Variants in TM2D3 observed in about 807,000 individuals in gnomAD.
TM2D3 encodes the protein TM2 domain-containing protein 3.
TM2D3 carries 33 observed loss-of-function variants against 27.3 expected under a neutral mutation model. That is an observed-to-expected ratio of 1.21 (90% CI 0.92 to 1.61). The LOEUF is 1.61. Among genes scored for constraint, TM2D3 ranks in the 40% most tolerant of loss-of-function variants. The probability of loss-of-function intolerance (pLI) is 0.00; values close to 1 mark genes in which losing one functional copy is unlikely to be tolerated. For synonymous variants in TM2D3, 138 were observed against 122.2 expected (o/e 1.13, Z -0.85); for missense variants, 364 against 320.8 (o/e 1.13, Z -1.03).
Position 101,635,589 on chromosome 15 carries a change from T to C in TM2D3, c.501-1861A>G, listed in dbSNP as rs560052493. 80 of 152,228 alleles carry C rather than the reference T, an allele frequency of 5.3e-4. 1 individual carries two copies. The highest frequency in any genetic ancestry group is 1.9e-3 in the African/African-American group (78 of 41,540). The allele number at this position is 152,228 out of a possible 1,614,324, so 9.4% of individuals were successfully genotyped here. On this transcript the variant is annotated intron_variant, in intron 4 of 4. Transcript: ENST00000428002. ...TTCAAAGTAAGCATCTATTCCAGTG[T>C]GGACAAATCAACGTTCCCTGCTTGA...
chr15:101,650,677 A>C (rs1277793786), intron 2 of TM2D3: 1 of 152,294 alleles, frequency 6.6e-6, no homozygotes, highest in African/African-American at 2.4e-5. Context: ...TCACACTGGT[A>C]CTTCGATAAG....
chr15:101,651,466 A>G, intron 2 of TM2D3: 2 of 501,750 alleles, frequency 4.0e-6, no homozygotes, highest in Non-Finnish European at 7.1e-6. Flanking sequence ...AAGGTGACAA[A>G]TGAGCGTGGG....
intron 1 of TM2D3, 104 bp from the exon 2 acceptor site, chr15:101,651,877 C>T (rs558961550): frequency 2.6e-6 from 3 of 1,158,582 alleles, no homozygotes; most frequent in African/African-American, 1.5e-5. Context: ...CAATAAGCTG[C>T]TCATGAAAAC....
At chr15:101,652,163 G>T in intron 1 of TM2D3, 108 bp downstream of exon 1, 2 of 1,071,144 alleles carry the variant, frequency 1.9e-6, no homozygotes, top group South Asian at 1.4e-5. Flanking sequence ...CCCGGCACTC[G>T]GCCTCCTCCC....
chr15:101,637,872 T>C (rs957566186), downstream of TM2D3, among the ~76,000 whole-genome samples: 1 of 152,228 alleles, frequency 6.6e-6, no homozygotes, highest in Admixed American at 6.5e-5. Flanking sequence ...CTTCATAATA[T>C]GTGAACAAAT....
chr15:101,644,004 G>A (rs190153827), intron 5 of TM2D3, among the ~76,000 whole-genome samples: 21 of 152,032 alleles, frequency 1.4e-4, no homozygotes, highest in Admixed American at 1.3e-3. Flanking sequence ...CATGAACCAC[G>A]ATGGCAGGCT....
At chr15:101,645,033 C>G in intron 5 of TM2D3, 54 bp downstream of exon 5, 1 of 1,491,880 alleles carries the variant, frequency 6.7e-7, no homozygotes, top group East Asian at 2.3e-5. Flanking sequence ...GAAGATTCCA[C>G]CAATCCCAAA....
At chr15:101,652,242 C>T in intron 1 of TM2D3, 29 bp downstream of exon 1, 3 of 1,584,078 alleles carry the variant, frequency 1.9e-6, no homozygotes, top group Non-Finnish European at 2.6e-6. Context: ...CTCAGCCCCA[C>T]CCGGCGCTGA....
chr15:101,643,464 T>A (rs999022049), intron 5 of TM2D3, among the ~76,000 whole-genome samples: 1 of 151,502 alleles, frequency 6.6e-6, no homozygotes, highest in Non-Finnish European at 1.5e-5. Flanking sequence ...TAGCCAGGCG[T>A]GGTGGCGGGC....
chr15:101,651,640 A>C (rs1254939958), intron 2 of TM2D3, 56 bp downstream of exon 2: 52 of 1,509,832 alleles, frequency 3.4e-5, no homozygotes, highest in Non-Finnish European at 4.7e-5. Flanking sequence ...ATAAAAACAA[A>C]GAGAAACTAC....
chr15:101,640,534 C>T (rs1896643062), downstream of TM2D3, among the ~76,000 whole-genome samples: 1 of 152,164 alleles, frequency 6.6e-6, no homozygotes, highest in Admixed American at 6.5e-5. Context: ...GGTCAGACTC[C>T]AACATGGCAT....
chr15:101,633,635 T>C, exon 5 of TM2D3: 1 of 1,502,490 alleles, frequency 6.7e-7, no homozygotes, highest in Non-Finnish European at 8.9e-7. Flanking sequence ...CTCATGCTCT[T>C]CTTCTCACGC....
At chr15:101,649,100 T>G (rs1012234857) in intron 3 of TM2D3, among the ~76,000 whole-genome samples, 1 of 152,188 alleles carries the variant, frequency 6.6e-6, no homozygotes, top group Non-Finnish European at 1.5e-5. Context: ...ATGAGAAAAC[T>G]TATATGTTTT....
intron 3 of TM2D3, 70 bp downstream of exon 3, chr15:101,649,934 A>G: frequency 2.1e-6 from 3 of 1,412,822 alleles, no homozygotes; most frequent in Middle Eastern, 3.6e-4. Context: ...CCAATAATCA[A>G]GTCTGAATTG....
At chr15:101,640,793 A>T (rs896117356), downstream of TM2D3, among the ~76,000 whole-genome samples, 4 of 152,210 alleles carry the variant, frequency 2.6e-5, no homozygotes, top group Non-Finnish European at 4.4e-5. Context: ...TCAGGTTCCA[A>T]GGGCTATGCC....
At chr15:101,643,619 A>C (rs1453667495) in intron 5 of TM2D3, among the ~76,000 whole-genome samples, 6 of 124,534 alleles carry the variant, frequency 4.8e-5, no homozygotes, top group Admixed American at 1.6e-4. Context: ...AAAAAAAAAA[A>C]AAAGCAAAAA....
Position 101,650,125 on chromosome 15 carries a change from G to C in TM2D3, c.206C>G (p.Pro69Arg), listed in dbSNP as rs140152371. 2 of 1,613,816 alleles carry C rather than the reference G, an allele frequency of 1.2e-6. No homozygotes were observed. The highest frequency in any genetic ancestry group is 2.7e-5 in the African/African-American group (2 of 74,898). Residue 69 changes from proline (P) to arginine (R), a missense_variant, in exon 3 of 6, where the codon CCG becomes CGG. Pro to Arg is a moderately radical substitution (Grantham distance 103, BLOSUM62 -2). Coordinates refer to ENST00000333202, the MANE Select transcript of TM2D3 (RefSeq NM_078474.3). ...AAGCCTGCTACACAAACCATTGCTC[G>C]GACACTTCATCACATAAGGTGGGAT... ...TEIPPYVMKC[P>R]SNGLCSRLPA...
intron 4 of TM2D3, chr15:101,635,799 A>G (rs1383850878): frequency 6.6e-6 from 1 of 152,180 alleles, no homozygotes; most frequent in Non-Finnish European, 1.5e-5. Context: ...AGTGTTCTAT[A>G]GTACAGAGTT....
chr15:101,647,233 A>G (rs749374148), intron 3 of TM2D3, among the ~76,000 whole-genome samples: 1 of 152,236 alleles, frequency 6.6e-6, no homozygotes. Flanking sequence ...GTATACTTTT[A>G]TAATGCAGAA....
Sources: gnomAD v4.1 joint callset for allele counts (sites outside exome capture counted in the v4.1 genomes callset) on GRCh38, gnomAD v4.1.1 for gene constraint, MANE v1.5 for transcripts, NCBI Gene and HGNC (gene_info 2026-07-23, HGNC 2026-07-21) for gene names.